Variants in NSMCE1 observed in about 807,000 individuals in gnomAD.
NSMCE1 encodes non-structural maintenance of chromosomes element 1 homolog.
In NSMCE1, 18 loss-of-function variants were observed where a neutral mutation model predicts 29.6. The ratio of observed to expected loss-of-function variants is 0.61; its 90% CI spans 0.42 to 0.90. The LOEUF is 0.90. Among genes scored for constraint, NSMCE1 ranks in the 40% least tolerant of loss-of-function variants. The pLI is 0.00. For missense variants in NSMCE1, 314 were observed against 343.6 expected (o/e 0.91, Z 0.68); for synonymous variants, 124 against 133.4 (o/e 0.93, Z 0.49).
In NSMCE1 at chr16:27,251,161, T is replaced by A. The variant is rs534641907; in HGVS notation, c.136+6274A>T. Among the ~76,000 whole-genome samples, 12 of 50,412 alleles carry A rather than the reference T, an allele frequency of 2.4e-4. No individual in the cohort carries two copies. The East Asian group carries it at 4.2e-3, about 18-fold the overall frequency. 33.1% of individuals were successfully genotyped at this position (50,412 alleles called of 152,430 possible). On this transcript the variant is annotated intron_variant, in intron 2 of 7. Coordinates refer to ENST00000361439, the MANE Select transcript of NSMCE1 (RefSeq NM_145080.4). ...CAGCCTTAATTTTAATTATTTAAAATATATATATATATATATATATATATA... is the reference window on the plus strand; with the variant it reads ...CAGCCTTAATTTTAATTATTTAAAAAATATATATATATATATATATATATA...
chr16:27,241,934 T>G (rs1300482037), intron 2 of NSMCE1: 5 of 406,622 alleles, frequency 1.2e-5, no homozygotes, highest in African/African-American at 8.2e-5. Context: ...AGAAATCAGA[T>G]GTCTGGCCAT....
intron 2 of NSMCE1, among the ~76,000 whole-genome samples, chr16:27,249,967 G>T (rs1390527864): frequency 6.6e-6 from 1 of 151,990 alleles, no homozygotes; most frequent in Non-Finnish European, 1.5e-5. Context: ...TCAGTGTACG[G>T]GTCTAACACA....
intron 2 of NSMCE1, among the ~76,000 whole-genome samples, chr16:27,252,607 A>G (rs545507354): frequency 5.3e-5 from 8 of 151,780 alleles, no homozygotes; most frequent in African/African-American, 1.7e-4. Flanking sequence ...ACAGAAGAAG[A>G]CCCCCGTCTC....
chr16:27,233,403 G>A (rs1275716324), intron 4 of NSMCE1, among the ~76,000 whole-genome samples: 5 of 152,150 alleles, frequency 3.3e-5, no homozygotes, highest in East Asian at 3.9e-4. Flanking sequence ...AAAGAGGGTC[G>A]CCTTGCCTCA....
chr16:27,264,372 A>G (rs1259278268), intron 1 of NSMCE1, among the ~76,000 whole-genome samples: 1 of 152,148 alleles, frequency 6.6e-6, no homozygotes, highest in African/African-American at 2.4e-5. Flanking sequence ...GATCCTGTCT[A>G]AAAACAAACC....
At chr16:27,230,006 G>A (rs1387226942) in intron 5 of NSMCE1, among the ~76,000 whole-genome samples, 1 of 152,206 alleles carries the variant, frequency 6.6e-6, no homozygotes, top group Non-Finnish European at 1.5e-5. Flanking sequence ...CCTCAAAGAC[G>A]ACGACAGCCC....
intron 2 of NSMCE1, among the ~76,000 whole-genome samples, chr16:27,235,785 A>G (rs1474451315): frequency 1.3e-5 from 2 of 152,098 alleles, no homozygotes; most frequent in African/African-American, 2.4e-5. Flanking sequence ...TTTTTATTCA[A>G]TGTCGGGTTA....
chr16:27,245,448 C>T (rs954745039), intron 2 of NSMCE1, among the ~76,000 whole-genome samples: 1 of 152,202 alleles, frequency 6.6e-6, no homozygotes, highest in African/African-American at 2.4e-5. Flanking sequence ...CTTAGGGGAG[C>T]GTGAAGCGCA....
chr16:27,241,974 G>A (rs766042251), intron 2 of NSMCE1: 5 of 345,860 alleles, frequency 1.4e-5, no homozygotes, highest in South Asian at 8.5e-5. Context: ...AAGGATGTGG[G>A]CATTCATCAG....
intron 2 of NSMCE1, among the ~76,000 whole-genome samples, chr16:27,255,086 A>C (rs1006305717): frequency 1.3e-5 from 2 of 151,518 alleles, no homozygotes; most frequent in African/African-American, 4.9e-5. Context: ...CACCATGTTG[A>C]CCAGGCTGGT....
intron 2 of NSMCE1, among the ~76,000 whole-genome samples, chr16:27,244,673 G>C (rs1430082735): frequency 6.6e-6 from 1 of 152,184 alleles, no homozygotes; most frequent in East Asian, 1.9e-4. Flanking sequence ...GGTTTGAACA[G>C]AGGCCCTGGC....
intron 1 of NSMCE1, among the ~76,000 whole-genome samples, chr16:27,265,362 T>G (rs1394263432): frequency 1.3e-5 from 2 of 151,756 alleles, no homozygotes; most frequent in East Asian, 3.9e-4. Context: ...AGAGATGGGG[T>G]CTCACCTGTT....
chr16:27,243,593 C>T (rs1020178573), intron 2 of NSMCE1, among the ~76,000 whole-genome samples: 8 of 152,184 alleles, frequency 5.3e-5, no homozygotes, highest in African/African-American at 1.9e-4. Flanking sequence ...CAAAACTAAC[C>T]CACAATCATG....
In NSMCE1 at chr16:27,232,569, C is replaced by T. The variant is rs1018049181; in HGVS notation, c.483+432G>A. ...GCACATTACTGTGAGGTCCCATTCC[C>T]GCTCCTGACACACCCAGCCCCGAAG... On this transcript the variant is annotated intron_variant, in intron 5 of 7. Coordinates refer to ENST00000361439, the MANE Select transcript of NSMCE1 (RefSeq NM_145080.4). The surrounding 1 kb of genome is among the most constrained non-coding windows in gnomAD (Gnocchi z 4.5). Among the ~76,000 whole-genome samples the T allele has an allele frequency of 2.0e-5, 3 of 152,248 alleles. No homozygotes were observed. Among genetic ancestry groups the T allele is most frequent in the Non-Finnish European group, 2.9e-5 (2 of 68,050 alleles).
intron 5 of NSMCE1, among the ~76,000 whole-genome samples, chr16:27,228,829 C>T (rs556007488): frequency 1.3e-5 from 2 of 150,582 alleles, no homozygotes; most frequent in East Asian, 2.0e-4. Flanking sequence ...CGCCCTCTTC[C>T]GCCCTCCCCT....
intron 2 of NSMCE1, among the ~76,000 whole-genome samples, chr16:27,236,497 AT>A (rs2083827258): frequency 6.6e-6 from 1 of 151,736 alleles, no homozygotes; most frequent in Non-Finnish European, 1.5e-5. Context: ...GGGTTTTACC[AT>A]GTTGGCCAGG....
intron 2 of NSMCE1, chr16:27,241,722 T>G (rs1596681716): frequency 3.2e-6 from 1 of 317,428 alleles, no homozygotes; most frequent in South Asian, 2.5e-5. Flanking sequence ...TGGTCTGTGG[T>G]AGATCACTTA....
chr16:27,238,469 A>T (rs1373804114), intron 2 of NSMCE1, among the ~76,000 whole-genome samples: 1 of 151,152 alleles, frequency 6.6e-6, no homozygotes. Flanking sequence ...CGCCGCCCCA[A>T]GACAGGAGTC....
rs908753885 is a variant in NSMCE1, at chr16:27,234,506, C to T, written c.259-241G>A. On this transcript the variant is annotated intron_variant, in intron 3 of 7. Coordinates refer to ENST00000361439, the MANE Select transcript of NSMCE1 (RefSeq NM_145080.4). ...ACTCCAAAGGGTGTGCAGTATTTTC[C>T]AAACTCAGATAAATTTGGGAGATTT... 2.0e-5 allele frequency among the ~76,000 whole-genome samples: 3 copies of T among 152,218 alleles called. No individual in the cohort carries two copies. In the East Asian group the frequency reaches 5.8e-4, roughly 29 times the overall value.
Sources: allele counts gnomAD v4.1 joint callset (sites outside exome capture counted in the v4.1 genomes callset), GRCh38; gene constraint gnomAD v4.1.1; non-coding constraint Gnocchi (gnomAD v3.1); transcripts MANE v1.5; gene names NCBI Gene and HGNC (gene_info 2026-07-23, HGNC 2026-07-21).